CNBD2: variants seen among roughly 807,000 people sequenced by gnomAD.
CNBD2 encodes cyclic nucleotide-binding domain-containing protein 2.
A neutral mutation model predicts 63.7 loss-of-function variants in CNBD2; 64 were observed. The ratio of observed to expected loss-of-function variants is 1.00; its 90% confidence interval spans 0.82 to 1.24. CNBD2 has a LOEUF of 1.24. Among genes scored for constraint, CNBD2 ranks in the 50% most tolerant of loss-of-function variants. The pLI is 0.00. For synonymous variants in CNBD2, 229 were observed against 255.4 expected, an observed-to-expected ratio of 0.90 and a Z score of 0.99; for missense variants, 691 against 713.5, an observed-to-expected ratio of 0.97 and a Z score of 0.36.
chr20:35,966,084 C>G (rs1296876904), upstream of CNBD2, among the ~76,000 whole-genome samples: 1 of 152,142 alleles, frequency 6.6e-6, no homozygotes, highest in African/African-American at 2.4e-5. Flanking sequence ...TCTCCAGGCC[C>G]AGTTGTTTCT....
intron 3 of CNBD2, 87 bp downstream of exon 3, chr20:35,976,089 G>A: frequency 1.6e-6 from 2 of 1,243,688 alleles, no homozygotes; most frequent in South Asian, 1.2e-5. Flanking sequence ...CAGCAGAGCT[G>A]GTTTCAGTCT....
chr20:35,956,976 A>G (rs931560498), downstream of CNBD2, among the ~76,000 whole-genome samples: 2 of 152,228 alleles, frequency 1.3e-5, no homozygotes, highest in Admixed American at 1.3e-4. Flanking sequence ...GGTGGGGGTT[A>G]AATCATAAAT....
exon 1 of CNBD2, chr20:35,954,855 C>T (rs1000417733): frequency 3.3e-5 from 10 of 298,822 alleles, no homozygotes; most frequent in Admixed American, 5.1e-5. Context: ...GGCCGGGGCT[C>T]GTTCGAGTGG....
chr20:36,026,151 A>G (rs1490091395), intron 11 of CNBD2, among the ~76,000 whole-genome samples: 1 of 152,094 alleles, frequency 6.6e-6, no homozygotes, highest in Non-Finnish European at 1.5e-5. Context: ...CTCCCACCTC[A>G]GCCTCCCCAG....
chr20:35,994,291 C>A (rs181596723), intron 7 of CNBD2, among the ~76,000 whole-genome samples: 121 of 152,050 alleles, frequency 8.0e-4, no homozygotes, highest in African/African-American at 2.8e-3. Context: ...TCTCGAACTC[C>A]CGACCTCAGG....
intron 10 of CNBD2, among the ~76,000 whole-genome samples, 170 bp downstream of exon 10, chr20:36,011,427 C>T (rs765554414): frequency 6.6e-6 from 1 of 152,204 alleles, no homozygotes; most frequent in Non-Finnish European, 1.5e-5. Flanking sequence ...TGGCTCACAC[C>T]TGTAATCCCA....
At chr20:36,010,878 C>T (rs1008631774) in intron 9 of CNBD2, among the ~76,000 whole-genome samples, 1 of 152,218 alleles carries the variant, frequency 6.6e-6, no homozygotes, top group South Asian at 2.1e-4. Flanking sequence ...TCATCAGCCC[C>T]TGCCTCCAGG....
chr20:35,978,538 G>C (rs975197278), intron 3 of CNBD2, among the ~76,000 whole-genome samples: 1 of 152,138 alleles, frequency 6.6e-6, no homozygotes, highest in Non-Finnish European at 1.5e-5. Context: ...TAGAGACGGG[G>C]TTTCACCGTG....
chr20:35,967,239 C>CTTT (rs141881380), upstream of CNBD2, among the ~76,000 whole-genome samples: 47 of 87,010 alleles, frequency 5.4e-4, 4 homozygotes, highest in East Asian at 5.0e-3. Flanking sequence ...CCCCCTCCCG[C>CTTT]TTTTTTTTTT....
intron 11 of CNBD2, 88 bp from the exon 12 acceptor site, chr20:36,030,269 A>G: frequency 3.9e-6 from 5 of 1,285,222 alleles, no homozygotes. Flanking sequence ...ATGAAGCGCC[A>G]CATGCTTAGG....
rs752175179 is a variant in CNBD2, at chr20:36,023,611, C to A, written c.1279C>A (p.Gln427Lys). The part of the protein sequence containing the change: ...VEQGEILGLH[Q>K]AFLPEGECDT... Reference sequence around the variant, plus strand: ...TGTGACTTCTCCCGAGGGTCTTCACCAGGCCTTCCTTCCAGAGGGTGAATG... The same window carrying A: ...TGTGACTTCTCCCGAGGGTCTTCACAAGGCCTTCCTTCCAGAGGGTGAATG... The change falls in exon 11 of 12, where the codon CAG (glutamine) becomes AAG (lysine). Residue 427 changes from glutamine to lysine, a missense_variant. Transcript: ENST00000373973. 2 of 1,599,060 alleles carry A rather than the reference C, an allele frequency of 1.3e-6. No individual in the cohort carries two copies. Among genetic ancestry groups the A allele is most frequent in the African/African-American group, 2.7e-5 (2 of 74,076 alleles).
At chr20:36,007,335 A>G (rs1219099904) in intron 8 of CNBD2, among the ~76,000 whole-genome samples, 1 of 151,980 alleles carries the variant, frequency 6.6e-6, no homozygotes, top group African/African-American at 2.4e-5. Context: ...TCATTTTAAG[A>G]GATGAGGTCT....
chr20:35,986,865 C>T (rs890843630), intron 6 of CNBD2, among the ~76,000 whole-genome samples: 4 of 152,194 alleles, frequency 2.6e-5, no homozygotes, highest in Non-Finnish European at 5.9e-5. Context: ...GGTTCACCCA[C>T]AGGGAGCAAC....
chr20:36,029,421 G>A (rs1305311244), intron 11 of CNBD2, among the ~76,000 whole-genome samples: 3 of 152,172 alleles, frequency 2.0e-5, no homozygotes, highest in African/African-American at 7.2e-5. Flanking sequence ...GTGTGCTCAT[G>A]GATGTTTAAC....
At chr20:36,012,311 A>C (rs1286090632) in intron 10 of CNBD2, among the ~76,000 whole-genome samples, 1 of 151,492 alleles carries the variant, frequency 6.6e-6, no homozygotes, top group African/African-American at 2.4e-5. Context: ...CAAAAAAAAA[A>C]ACCAAAACCC....
At chr20:35,958,101 T>A (rs1167662112), downstream of CNBD2, among the ~76,000 whole-genome samples, 1 of 152,228 alleles carries the variant, frequency 6.6e-6, no homozygotes, top group African/African-American at 2.4e-5. Flanking sequence ...ATTTTCTTTT[T>A]TATCAGAGCC....
chr20:36,015,283 G>A (rs764378492), intron 10 of CNBD2, among the ~76,000 whole-genome samples: 3 of 152,186 alleles, frequency 2.0e-5, no homozygotes, highest in South Asian at 2.1e-4. Flanking sequence ...TCAGATGTAC[G>A]GCTTGCAAAT....
chr20:35,996,280 G>C (rs958360629), intron 8 of CNBD2, among the ~76,000 whole-genome samples: 1 of 152,150 alleles, frequency 6.6e-6, no homozygotes, highest in African/African-American at 2.4e-5. Context: ...GCATCTAGCA[G>C]GTGCTCAGAA....
intron 8 of CNBD2, among the ~76,000 whole-genome samples, chr20:36,005,941 A>C: frequency 6.6e-6 from 1 of 151,892 alleles, no homozygotes; most frequent in Non-Finnish European, 1.5e-5. Context: ...ACAGAGCAAT[A>C]CTCCATCTCA....
Sources: gnomAD v4.1 joint callset for allele counts (sites outside exome capture counted in the v4.1 genomes callset) on GRCh38, gnomAD v4.1.1 for gene constraint, MANE v1.5 for transcripts, NCBI Gene and HGNC (gene_info 2026-07-23, HGNC 2026-07-21) for gene names.